Variants in SOX6 observed in about 807,000 individuals in gnomAD.
SOX6 encodes the protein SRY-box transcription factor 6, also known as transcription factor SOX-6.
SOX6 carries 11 observed loss-of-function variants against 97.8 expected under a neutral mutation model. The ratio of observed to expected loss-of-function variants is 0.11; its 90% CI spans 0.07 to 0.19. The LOEUF (loss-of-function observed/expected upper bound fraction) is 0.19. Among genes scored for constraint, SOX6 ranks in the 10% least tolerant of loss-of-function variants. The probability of loss-of-function intolerance (pLI) is 1.00; values close to 1 mark genes in which losing one functional copy is unlikely to be tolerated. For missense variants in SOX6, 810 were observed against 1,039.5 expected (o/e 0.78, Z 3.04); for synonymous variants, 360 against 371.4 (o/e 0.97, Z 0.35).
rs960619999 is a variant in SOX6 at position 16,493,636 on chromosome 11, T to A, written n.610-17248A>T. Among the ~76,000 whole-genome samples the A allele has an allele frequency of 3.3e-5, 5 of 152,176 alleles. No homozygotes were observed. The South Asian group carries it at 1.0e-3, about 32-fold the overall frequency. Reference sequence around the variant, plus strand: ...CACATTTCTATTTTGTATTTGGGTATTATATTCTATAATAAAAAGGTTAAA... The same window carrying A: ...CACATTTCTATTTTGTATTTGGGTAATATATTCTATAATAAAAAGGTTAAA... On this transcript the variant is annotated intron_variant and non_coding_transcript_variant, in intron 4 of 5. Transcript: ENST00000524520.
chr11:16,403,307 T>C (rs1031904496), intron 1 of SOX6, among the ~76,000 whole-genome samples: 17 of 151,890 alleles, frequency 1.1e-4, no homozygotes, highest in African/African-American at 4.1e-4. Flanking sequence ...TGTTCTGGTC[T>C]TGTCCATTGA....
At chr11:16,240,275 AGTGTGTGTGTGT>A (rs4031660) in intron 3 of SOX6, among the ~76,000 whole-genome samples, 4 of 129,152 alleles carry the variant, frequency 3.1e-5, no homozygotes, top group East Asian at 2.3e-4. Context: ...TAGATAATAT[AGTGTGTGTGTGT>A]GTGTGTGTGT....
chr11:16,308,164 T>C (rs1465467691), intron 3 of SOX6, among the ~76,000 whole-genome samples: 1 of 152,162 alleles, frequency 6.6e-6, no homozygotes, highest in African/African-American at 2.4e-5. Context: ...TTTATCTCTA[T>C]CTTTGTAAAA....
chr11:16,035,050 T>C (rs979746995), intron 12 of SOX6, among the ~76,000 whole-genome samples: 2 of 152,188 alleles, frequency 1.3e-5, no homozygotes, highest in Admixed American at 6.6e-5. Flanking sequence ...TATAGATTTA[T>C]ACCCACAATG....
At chr11:16,410,131 T>C (rs1322099735) in intron 1 of SOX6, among the ~76,000 whole-genome samples, 4 of 152,074 alleles carry the variant, frequency 2.6e-5, no homozygotes, top group Admixed American at 2.6e-4. Flanking sequence ...ATTCCACATG[T>C]ATACATTTCA....
At chr11:16,485,494 G>A (rs1367530983) in intron 4 of SOX6, among the ~76,000 whole-genome samples, 1 of 152,022 alleles carries the variant, frequency 6.6e-6, no homozygotes, top group African/African-American at 2.4e-5. Flanking sequence ...CACTTTGGGA[G>A]GCCAGGGTGG....
At chr11:16,102,767 T>TA (rs1364038212) in intron 7 of SOX6, among the ~76,000 whole-genome samples, 6 of 151,832 alleles carry the variant, frequency 4.0e-5, no homozygotes, top group African/African-American at 1.2e-4. Flanking sequence ...GACAAAAACA[T>TA]AAAATGGGGA....
At chr11:16,152,754 T>C (rs1326796596) in intron 6 of SOX6, among the ~76,000 whole-genome samples, 1 of 140,574 alleles carries the variant, frequency 7.1e-6, no homozygotes, top group African/African-American at 2.7e-5. Context: ...AAATGATATA[T>C]TAGAATTACT....
At chr11:16,487,006 G>T (rs1462051780) in intron 4 of SOX6, among the ~76,000 whole-genome samples, 1 of 151,972 alleles carries the variant, frequency 6.6e-6, no homozygotes, top group Non-Finnish European at 1.5e-5. Context: ...TTTAAGCATT[G>T]TCCTCAGGTA....
intron 4 of SOX6, among the ~76,000 whole-genome samples, chr11:16,541,855 C>T (rs1331925969): frequency 6.6e-6 from 1 of 152,212 alleles, no homozygotes; most frequent in East Asian, 1.9e-4. Context: ...AATGCTTTTA[C>T]ACCGTTGGTG....
chr11:16,145,335 T>C (rs1349982861), intron 6 of SOX6, among the ~76,000 whole-genome samples: 8 of 152,206 alleles, frequency 5.3e-5, no homozygotes, highest in Admixed American at 5.2e-4. Context: ...AAATTAGGTA[T>C]TGATGGGACA....
chr11:16,327,902 C>G (rs1032172434), intron 2 of SOX6, among the ~76,000 whole-genome samples: 21 of 152,076 alleles, frequency 1.4e-4, no homozygotes, highest in Admixed American at 5.2e-4. Context: ...TACCGGCTGC[C>G]CAGTCTAACT....
intron 1 of SOX6, among the ~76,000 whole-genome samples, chr11:16,437,101 TAA>T (rs57209441): frequency 0.37 from 52,659 of 144,080 alleles, 9,790 homozygotes; most frequent in East Asian, 0.54. Context: ...TACAAGAAAT[TAA>T]AAAAAAAAAA....
chr11:16,255,935 C>T (rs1399881757), intron 3 of SOX6, among the ~76,000 whole-genome samples: 1 of 151,134 alleles, frequency 6.6e-6, no homozygotes, highest in Admixed American at 6.6e-5. Flanking sequence ...ATCTTTTTAA[C>T]AACTCCATAG....
At chr11:16,215,741 G>GA (rs1852354863) in intron 4 of SOX6, among the ~76,000 whole-genome samples, 1 of 152,072 alleles carries the variant, frequency 6.6e-6, no homozygotes, top group African/African-American at 2.4e-5. Flanking sequence ...AATTTGAAAA[G>GA]AAAAATTATA....
At chr11:16,180,066 A>G (rs1851307944) in intron 6 of SOX6, among the ~76,000 whole-genome samples, 1 of 151,788 alleles carries the variant, frequency 6.6e-6, no homozygotes, top group African/African-American at 2.4e-5. Flanking sequence ...CATAAAAAAA[A>G]TCTCCAGATT....
At chr11:16,531,016 A>C (rs1861229260) in intron 4 of SOX6, among the ~76,000 whole-genome samples, 1 of 148,064 alleles carries the variant, frequency 6.8e-6, no homozygotes, top group African/African-American at 2.5e-5. Context: ...ATTCCTCTAT[A>C]TATATATATA....
chr11:16,208,363 A>G (rs1433014849), intron 4 of SOX6, among the ~76,000 whole-genome samples: 1 of 152,206 alleles, frequency 6.6e-6, no homozygotes, highest in Non-Finnish European at 1.5e-5. Context: ...ATAATACTAT[A>G]ATCTTTTCTG....
chr11:16,064,408 C>G (rs1024794910), intron 9 of SOX6, among the ~76,000 whole-genome samples: 7 of 151,142 alleles, frequency 4.6e-5, no homozygotes, highest in African/African-American at 1.7e-4. Context: ...ATTAAGTAGC[C>G]TACCAGAATC....
Sources: allele counts gnomAD v4.1 joint callset (sites outside exome capture counted in the v4.1 genomes callset), GRCh38; gene constraint gnomAD v4.1.1; transcripts MANE v1.5; gene names NCBI Gene and HGNC (gene_info 2026-07-23, HGNC 2026-07-21).